TMEM117: variants seen among roughly 807,000 people sequenced by gnomAD.
TMEM117 encodes transmembrane protein 117.
In TMEM117, 27 loss-of-function variants were observed where a neutral mutation model predicts 52.4. The ratio of observed to expected loss-of-function variants is 0.51; its 90% CI spans 0.38 to 0.71. The LOEUF is 0.71. Among genes scored for constraint, TMEM117 ranks in the 30% least tolerant of loss-of-function variants. The probability of loss-of-function intolerance (pLI) is 0.00; values close to 1 mark genes in which losing one functional copy is unlikely to be tolerated. For synonymous variants in TMEM117, 215 were observed against 206.3 expected, an observed-to-expected ratio of 1.04 and a Z score of -0.36; for missense variants, 556 against 630.5, an observed-to-expected ratio of 0.88 and a Z score of 1.26.
intron 6 of TMEM117, among the ~76,000 whole-genome samples, chr12:44,334,346 T>C (rs1006792828): frequency 2.6e-5 from 4 of 152,034 alleles, no homozygotes; most frequent in African/African-American, 9.7e-5. Flanking sequence ...TTTAGGAAAA[T>C]AGCATTCATC....
chr12:44,036,545 T>C (rs1946713187), intron 3 of TMEM117, among the ~76,000 whole-genome samples: 2 of 152,260 alleles, frequency 1.3e-5, no homozygotes, highest in African/African-American at 4.8e-5. Flanking sequence ...TTCTGAGATA[T>C]AGCAATGTTG....
At chr12:44,176,525 G>C (rs1335408611) in intron 4 of TMEM117, among the ~76,000 whole-genome samples, 1 of 152,130 alleles carries the variant, frequency 6.6e-6, no homozygotes, top group East Asian at 1.9e-4. Context: ...AAGTTGTATA[G>C]AGTTTAGCAC....
intron 6 of TMEM117, among the ~76,000 whole-genome samples, chr12:44,322,786 G>A (rs946301729): frequency 1.3e-5 from 2 of 152,054 alleles, no homozygotes; most frequent in South Asian, 4.1e-4. Flanking sequence ...GAAATACCTG[G>A]TATAGTAGGC....
upstream of TMEM117, among the ~76,000 whole-genome samples, chr12:43,835,628 T>C (rs1012152889): frequency 1.3e-5 from 2 of 152,112 alleles, no homozygotes; most frequent in Non-Finnish European, 2.9e-5. Context: ...CTGAGATTGC[T>C]TTCGAAAGTT....
chr12:43,968,431 G>T (rs1945520857), intron 3 of TMEM117, among the ~76,000 whole-genome samples: 1 of 152,194 alleles, frequency 6.6e-6, no homozygotes, highest in Non-Finnish European at 1.5e-5. Context: ...CAAGTGTCAT[G>T]ACAAAGGAGT....
chr12:44,238,693 C>T (rs1258147977), intron 5 of TMEM117, among the ~76,000 whole-genome samples: 1 of 152,116 alleles, frequency 6.6e-6, no homozygotes, highest in African/African-American at 2.4e-5. Context: ...AGTTGCAACT[C>T]CCTTCTTAAC....
At chr12:44,152,604 A>C (rs1165704735) in intron 4 of TMEM117, among the ~76,000 whole-genome samples, 1 of 125,334 alleles carries the variant, frequency 8.0e-6, no homozygotes, top group Non-Finnish European at 1.6e-5. Flanking sequence ...ATCATATATA[A>C]ATTTTTATAT....
chr12:43,906,159 T>G (rs1944383260), intron 2 of TMEM117, among the ~76,000 whole-genome samples: 1 of 152,182 alleles, frequency 6.6e-6, no homozygotes, highest in African/African-American at 2.4e-5. Flanking sequence ...AGTTCAATTG[T>G]TAAACAAAGA....
At chr12:44,023,470 A>G (rs1419020478) in intron 3 of TMEM117, among the ~76,000 whole-genome samples, 2 of 151,962 alleles carry the variant, frequency 1.3e-5, no homozygotes, top group Non-Finnish European at 2.9e-5. Flanking sequence ...ATTTCTCCAC[A>G]TCCTCTCCAG....
At chr12:44,357,833 AAT>A (rs1451689400) in intron 6 of TMEM117, among the ~76,000 whole-genome samples, 1 of 152,106 alleles carries the variant, frequency 6.6e-6, no homozygotes, top group Admixed American at 6.6e-5. Flanking sequence ...GTATATTCAA[AAT>A]AAAGTAAATT....
intron 3 of TMEM117, among the ~76,000 whole-genome samples, chr12:44,010,861 A>G (rs1046905178): frequency 1.3e-5 from 2 of 152,250 alleles, no homozygotes; most frequent in Non-Finnish European, 2.9e-5. Flanking sequence ...ACATATACAC[A>G]TGAGCATACA....
chr12:44,295,772 C>A (rs1317050670), intron 5 of TMEM117, among the ~76,000 whole-genome samples: 1 of 151,932 alleles, frequency 6.6e-6, no homozygotes, highest in African/African-American at 2.4e-5. Context: ...CCTCTTCCAT[C>A]CCATTGATCT....
chr12:43,971,619 T>A (rs1945588791), intron 3 of TMEM117, among the ~76,000 whole-genome samples: 1 of 152,216 alleles, frequency 6.6e-6, no homozygotes, highest in African/African-American at 2.4e-5. Context: ...AAAACTTTCC[T>A]AACGCCTTAA....
At chr12:43,920,476 A>G (rs1481898613) in intron 2 of TMEM117, among the ~76,000 whole-genome samples, 1 of 151,042 alleles carries the variant, frequency 6.6e-6, no homozygotes, top group South Asian at 2.1e-4. Flanking sequence ...TCACACCACT[A>G]CACTCCAGCC....
intron 3 of TMEM117, among the ~76,000 whole-genome samples, chr12:43,992,229 C>T (rs1399506598): frequency 6.6e-6 from 1 of 151,458 alleles, no homozygotes; most frequent in Non-Finnish European, 1.5e-5. Flanking sequence ...TCATTGCTCT[C>T]CATGTACTTC....
intron 2 of TMEM117, among the ~76,000 whole-genome samples, chr12:43,856,033 G>C (rs1380871881): frequency 6.6e-6 from 1 of 152,150 alleles, no homozygotes; most frequent in Non-Finnish European, 1.5e-5. Context: ...TAGCTGAATA[G>C]TATAAATAAC....
At chr12:44,180,702 C>A (rs1003821978) in intron 4 of TMEM117, among the ~76,000 whole-genome samples, 5 of 152,028 alleles carry the variant, frequency 3.3e-5, no homozygotes, top group African/African-American at 1.2e-4. Flanking sequence ...TTTATGGCTG[C>A]ATAGTATTCC....
At chr12:44,125,557 G>A (rs1442993411) in intron 3 of TMEM117, among the ~76,000 whole-genome samples, 1 of 152,098 alleles carries the variant, frequency 6.6e-6, no homozygotes, top group Non-Finnish European at 1.5e-5. Context: ...GGTCAGTGGT[G>A]ACATTCCCCC....
At chr12:44,020,045 G>GT (rs1946433317) in intron 3 of TMEM117, among the ~76,000 whole-genome samples, 1 of 152,082 alleles carries the variant, frequency 6.6e-6, no homozygotes, top group African/African-American at 2.4e-5. Flanking sequence ...CAGTAATGGT[G>GT]TTTTCTTAGA....
Sources: gnomAD v4.1 joint callset for allele counts (sites outside exome capture counted in the v4.1 genomes callset) on GRCh38, gnomAD v4.1.1 for gene constraint, MANE v1.5 for transcripts, NCBI Gene and HGNC (gene_info 2026-07-23, HGNC 2026-07-21) for gene names.